The following DAB1 variants were observed in gnomAD, a reference collection of about 807,000 sequenced individuals.
DAB1 encodes DAB adaptor protein 1.
Under a neutral mutation model 64.6 loss-of-function variants are expected in DAB1, and 15 were observed. The ratio of observed to expected loss-of-function variants is 0.23; its 90% CI spans 0.16 to 0.36. The LOEUF (loss-of-function observed/expected upper bound fraction) is 0.36. Ranked by LOEUF, DAB1 falls within the 10% of genes least tolerant of loss-of-function variation. The pLI, the probability that DAB1 is intolerant of heterozygous loss-of-function variation, is 1.00. For missense variants in DAB1, 596 were observed against 706.7 expected (o/e 0.84, Z 1.78); for synonymous variants, 235 against 251.9 (o/e 0.93, Z 0.64).
chr1:58,290,933 G>A (rs1431860736), intron 4 of DAB1, among the ~76,000 whole-genome samples: 1 of 152,084 alleles, frequency 6.6e-6, no homozygotes, highest in Non-Finnish European at 1.5e-5. Flanking sequence ...AGAAAACCAG[G>A]AGATCCACAA....
chr1:57,357,243 C>G (rs530309840), intron 1 of DAB1, among the ~76,000 whole-genome samples: 1 of 151,980 alleles, frequency 6.6e-6, no homozygotes, highest in Non-Finnish European at 1.5e-5. Context: ...AACCCCTATT[C>G]CTGCTCAGAG....
At chr1:57,687,966 G>T (rs57570238) in intron 6 of DAB1, among the ~76,000 whole-genome samples, 1 of 152,066 alleles carries the variant, frequency 6.6e-6, no homozygotes, top group Admixed American at 6.6e-5. Context: ...AATCCTAGAA[G>T]AAAATCTAGG....
chr1:58,004,716 AACCCAAACAC>A (rs1646555194), intron 5 of DAB1, among the ~76,000 whole-genome samples: 1 of 152,180 alleles, frequency 6.6e-6, no homozygotes, highest in South Asian at 2.1e-4. Context: ...TACAGTGAAC[AACCCAAACAC>A]ACGCACGTGC....
At chr1:58,539,442 C>G (rs918857704) in intron 1 of DAB1, 21 of 601,852 alleles carry the variant, frequency 3.5e-5, no homozygotes, top group Non-Finnish European at 5.5e-5. Context: ...TGGGTTTCAA[C>G]TCATCACCCC....
chr1:57,887,701 C>A (rs573097649), upstream of DAB1, among the ~76,000 whole-genome samples: 2 of 152,204 alleles, frequency 1.3e-5, no homozygotes, highest in East Asian at 3.9e-4. Context: ...ATAAGCAGAG[C>A]ATTATGGAGA....
intron 7 of DAB1, among the ~76,000 whole-genome samples, chr1:57,605,425 T>C (rs2101591196): frequency 6.6e-6 from 1 of 152,334 alleles, no homozygotes; most frequent in Non-Finnish European, 1.5e-5. Flanking sequence ...GTCAAGGGTC[T>C]GGCCCTTCAA....
At chr1:57,636,110 A>AAACC (rs1208350998) in intron 7 of DAB1, among the ~76,000 whole-genome samples, 1 of 142,968 alleles carries the variant, frequency 7.0e-6, no homozygotes. Context: ...AAAAAAAAAA[A>AAACC]AAACAAAAAC....
In DAB1 at chr1:57,792,047, T is replaced by C. The variant is rs559260527; in HGVS notation, n.551+91952A>G. ...TTTAAAGGAATGCCTTTTCCTTGTC[T>C]ATAAATTACACTGAGTGAGTCTCTG... is the stretch of plus-strand genomic sequence containing the variant. On this transcript the variant is annotated intron_variant and non_coding_transcript_variant, in intron 6 of 20. Transcript: ENST00000485760. Among the ~76,000 whole-genome samples, 66 of 152,342 alleles carry C rather than the reference T, an allele frequency of 4.3e-4. 2 individuals are homozygous for C. The Middle Eastern group carries it at 0.01, about 24-fold the overall frequency.
chr1:57,176,479 G>C (rs1202235308), intron 2 of DAB1, among the ~76,000 whole-genome samples: 1 of 151,986 alleles, frequency 6.6e-6, no homozygotes, highest in East Asian at 1.9e-4. Flanking sequence ...CTCCCACCAG[G>C]TTCCTCCCAT....
chr1:58,249,221 A>G (rs1660687781), intron 4 of DAB1, among the ~76,000 whole-genome samples: 1 of 151,794 alleles, frequency 6.6e-6, no homozygotes, highest in South Asian at 2.1e-4. Flanking sequence ...CTGCACCCCC[A>G]CAACCTCTGC....
intron 3 of DAB1, among the ~76,000 whole-genome samples, chr1:58,397,043 C>G (rs1381769817): frequency 6.9e-6 from 1 of 145,356 alleles, no homozygotes; most frequent in Non-Finnish European, 1.5e-5. Flanking sequence ...CTAGCCTGGG[C>G]GACGGAGCGA....
At chr1:57,828,875 C>T (rs1361757890) in intron 1 of DAB1, among the ~76,000 whole-genome samples, 2 of 152,172 alleles carry the variant, frequency 1.3e-5, no homozygotes, top group East Asian at 3.9e-4. Flanking sequence ...TTAAATATCA[C>T]CTAAGAATAC....
chr1:57,071,622 T>G lies in DAB1; in HGVS notation c.458A>C (p.Asp153Ala). The stretch of plus-strand genomic sequence containing the variant: ...AATGAGTTGAAAGAGATCTCTCAAG[T>G]CCAGAATAACAGGTTCAGCCTGGGA... Reference protein sequence around the residue: ...TAQAAEPVILDLRDLFQLIYE... With the variant: ...TAQAAEPVILALRDLFQLIYE... The change falls in exon 6 of 15, where the codon GAC (aspartate) becomes GCC (alanine). Residue 153 changes from aspartate to alanine, a missense_variant. Asp to Ala is a moderately radical substitution (Grantham distance 126). Transcript: ENST00000371236. 1.9e-6 allele frequency: 3 copies of G among 1,613,540 alleles called. No homozygotes were observed. Among genetic ancestry groups the G allele is most frequent in the Non-Finnish European group, 2.5e-6 (3 of 1,179,834 alleles).
intron 2 of DAB1, among the ~76,000 whole-genome samples, chr1:58,512,867 T>C (rs1011286873): frequency 6.6e-6 from 1 of 152,166 alleles, no homozygotes; most frequent in Non-Finnish European, 1.5e-5. Flanking sequence ...TGTAAAATTA[T>C]AAATTTAAGA....
intron 7 of DAB1, among the ~76,000 whole-genome samples, chr1:57,640,754 T>C (rs1048736159): frequency 6.6e-6 from 1 of 152,192 alleles, no homozygotes; most frequent in Non-Finnish European, 1.5e-5. Flanking sequence ...GAACATTACC[T>C]TCAATGGGAC....
At chr1:58,475,341 T>C (rs907089960) in intron 3 of DAB1, among the ~76,000 whole-genome samples, 3 of 152,068 alleles carry the variant, frequency 2.0e-5, no homozygotes, top group African/African-American at 7.2e-5. Context: ...TTTGTATTTT[T>C]AGTAGAGACA....
At chr1:57,239,925 T>C (rs752316262) in intron 2 of DAB1, among the ~76,000 whole-genome samples, 11 of 152,228 alleles carry the variant, frequency 7.2e-5, no homozygotes, top group Non-Finnish European at 8.8e-5. Context: ...TCCCTGGGAA[T>C]TCATAGATGA....
intron 5 of DAB1, among the ~76,000 whole-genome samples, chr1:57,940,461 C>G (rs889596317): frequency 1.3e-5 from 2 of 152,214 alleles, no homozygotes; most frequent in Non-Finnish European, 2.9e-5. Flanking sequence ...AAGTTAAGTG[C>G]TTTGTCCACA....
intron 5 of DAB1, among the ~76,000 whole-genome samples, chr1:57,900,552 A>G (rs182551561): frequency 6.6e-6 from 1 of 152,344 alleles, no homozygotes; most frequent in Admixed American, 6.5e-5. Context: ...GCGAGACTAT[A>G]GGGGTCATTC....
Sources: gnomAD v4.1 joint callset for allele counts (sites outside exome capture counted in the v4.1 genomes callset) on GRCh38, gnomAD v4.1.1 for gene constraint, MANE v1.5 for transcripts, NCBI Gene and HGNC (gene_info 2026-07-23, HGNC 2026-07-21) for gene names.